Variants in RTN4RL1 observed in about 807,000 individuals in gnomAD.
RTN4RL1 encodes the protein reticulon-4 receptor-like 1.
A neutral mutation model predicts 25.6 loss-of-function variants in RTN4RL1; 7 were observed. The observed-to-expected ratio is 0.27, with a 90% CI of 0.16 to 0.51. The LOEUF (loss-of-function observed/expected upper bound fraction) is 0.51, where lower values mean the gene tolerates loss of function less well. RTN4RL1 is among the 20% of genes least tolerant of loss of function. RTN4RL1 has a pLI of 0.97. For synonymous variants in RTN4RL1, 297 were observed against 288.2 expected, an observed-to-expected ratio of 1.03 and a Z score of -0.31; for missense variants, 500 against 615.6, an observed-to-expected ratio of 0.81 and a Z score of 1.99.
At chr17:1,969,416 G>T (rs1449194487) in intron 1 of RTN4RL1, among the ~76,000 whole-genome samples, 2 of 152,060 alleles carry the variant, frequency 1.3e-5, no homozygotes, top group East Asian at 1.9e-4. Flanking sequence ...GCAACAGTCT[G>T]CCCAGAACAG....
chr17:1,957,931 C>A (rs570725856), intron 1 of RTN4RL1, among the ~76,000 whole-genome samples: 2 of 151,844 alleles, frequency 1.3e-5, no homozygotes, highest in African/African-American at 4.8e-5. Context: ...AATCCCAACA[C>A]TTTGGGAGGC....
At chr17:1,948,042 A>G (rs971746495) in intron 1 of RTN4RL1, among the ~76,000 whole-genome samples, 1 of 152,062 alleles carries the variant, frequency 6.6e-6, no homozygotes, top group African/African-American at 2.4e-5. Context: ...CCCAACCCCC[A>G]GTGGACCCTG....
chr17:1,945,912 T>G lies in RTN4RL1; in HGVS notation c.14-8104A>C, dbSNP rs986179948. Among the ~76,000 whole-genome samples, 12 of 152,334 alleles carry G rather than the reference T, an allele frequency of 7.9e-5. No homozygotes were observed. The East Asian group carries it at 2.3e-3, about 29-fold the overall frequency. ...CTGAGAGATGCTGCTCAGGAAGCCC[T>G]AGGCCCAGGGCCTGGCTCCTAGCAG... On this transcript the variant is annotated intron_variant, in intron 1 of 1. Coordinates refer to ENST00000331238, the MANE Select transcript of RTN4RL1 (RefSeq NM_178568.4).
intron 1 of RTN4RL1, among the ~76,000 whole-genome samples, chr17:2,000,763 G>A (rs2066953352): frequency 6.6e-6 from 1 of 151,664 alleles, no homozygotes; most frequent in Admixed American, 6.6e-5. Context: ...CAGGTGATCC[G>A]CCCAGCTCAG....
chr17:2,004,631 G>A (rs1396623785), intron 1 of RTN4RL1, among the ~76,000 whole-genome samples: 4 of 152,152 alleles, frequency 2.6e-5, no homozygotes, highest in South Asian at 2.1e-4. Context: ...AATGCTTCCC[G>A]CAGCTCCGCC....
At chr17:1,939,140 CA>C (rs1377081628) in intron 1 of RTN4RL1, among the ~76,000 whole-genome samples, 4 of 151,966 alleles carry the variant, frequency 2.6e-5, no homozygotes, top group Non-Finnish European at 2.9e-5. Flanking sequence ...ATCACGAGGT[CA>C]GGAGATCGAG....
At chr17:2,011,546 A>T (rs1413841372) in intron 1 of RTN4RL1, among the ~76,000 whole-genome samples, 1 of 152,084 alleles carries the variant, frequency 6.6e-6, no homozygotes, top group Non-Finnish European at 1.5e-5. Flanking sequence ...CAAGAGGAGG[A>T]GCTGGCGGGG....
At chr17:1,984,387 AG>A (rs1197087822) in intron 1 of RTN4RL1, among the ~76,000 whole-genome samples, 2 of 152,130 alleles carry the variant, frequency 1.3e-5, no homozygotes, top group Admixed American at 1.3e-4. Context: ...CTTTCCAGAC[AG>A]GGTCTCGCTC....
At chr17:1,995,888 G>A (rs2066927418) in intron 1 of RTN4RL1, among the ~76,000 whole-genome samples, 2 of 152,254 alleles carry the variant, frequency 1.3e-5, no homozygotes, top group South Asian at 4.1e-4. Context: ...CTGAGAGGCT[G>A]CAGAGCCAGC....
intron 1 of RTN4RL1, among the ~76,000 whole-genome samples, chr17:2,005,099 G>A (rs764615379): frequency 3.9e-5 from 6 of 152,150 alleles, no homozygotes; most frequent in Non-Finnish European, 4.4e-5. Context: ...TCGACCTCCT[G>A]GGCTCAAGCA....
chr17:1,986,188 T>A (rs1486862719), intron 1 of RTN4RL1, among the ~76,000 whole-genome samples: 1 of 152,032 alleles, frequency 6.6e-6, no homozygotes, highest in East Asian at 1.9e-4. Context: ...ACAATTAGCA[T>A]CTCTTGAGTG....
chr17:1,939,784 C>T (rs376343519), intron 1 of RTN4RL1, among the ~76,000 whole-genome samples: 7 of 152,226 alleles, frequency 4.6e-5, no homozygotes, highest in Admixed American at 6.5e-5. Context: ...CTGCCCCAGG[C>T]GGCCAGGCAG....
chr17:2,004,639 G>A (rs1019018214), intron 1 of RTN4RL1, among the ~76,000 whole-genome samples: 2 of 152,184 alleles, frequency 1.3e-5, no homozygotes, highest in African/African-American at 2.4e-5. Flanking sequence ...CCGCAGCTCC[G>A]CCTGCACCGC....
In RTN4RL1 at chr17:1,994,212, G is replaced by T. The variant is rs367650613; in HGVS notation, c.13+30641C>A. ...GAATTCACAGGCGCTGGGAGCTTGAGGGGGAAGTGATGGGCAAGAGCTGGG... is the reference window on the plus strand; with the variant it reads ...GAATTCACAGGCGCTGGGAGCTTGATGGGGAAGTGATGGGCAAGAGCTGGG... On this transcript the variant is annotated intron_variant, in intron 1 of 1. Transcript: ENST00000331238. This position sits in a 1 kb window ranked among gnomAD's most constrained non-coding sequence, Gnocchi z 4.3. 6.6e-6 allele frequency among the ~76,000 whole-genome samples: 1 copy of T among 151,974 alleles called. No homozygotes were observed. Among genetic ancestry groups the T allele is most frequent in the Non-Finnish European group, 1.5e-5 (1 of 68,004 alleles).
chr17:1,956,760 T>G (rs1195203279), intron 1 of RTN4RL1, among the ~76,000 whole-genome samples: 2 of 122,184 alleles, frequency 1.6e-5, no homozygotes, highest in Non-Finnish European at 3.5e-5. Context: ...TTTTTTTTTT[T>G]AAGATGGAGT....
intron 1 of RTN4RL1, among the ~76,000 whole-genome samples, chr17:1,999,832 C>T (rs1406416673): frequency 2.0e-5 from 3 of 152,268 alleles, no homozygotes; most frequent in South Asian, 4.1e-4. Flanking sequence ...ACCTCCCTCC[C>T]GGCTTTTCCT....
intron 1 of RTN4RL1, among the ~76,000 whole-genome samples, chr17:1,942,501 G>T (rs1915459933): frequency 1.3e-5 from 2 of 151,932 alleles, no homozygotes; most frequent in South Asian, 4.1e-4. Flanking sequence ...GGGAAGTGGG[G>T]GTGCTCAGGA....
In RTN4RL1 at chr17:2,010,096, C is replaced by A; in HGVS notation, c.13+14757G>T. Among the ~76,000 whole-genome samples, 2 of 127,868 alleles carry A rather than the reference C, an allele frequency of 1.6e-5. 1 individual carries two copies. The highest frequency in any genetic ancestry group is 3.3e-5 in the Non-Finnish European group (2 of 60,996). 83.9% of individuals were successfully genotyped at this position (127,868 alleles called of 152,430 possible). On this transcript the variant is annotated intron_variant, in intron 1 of 1. Coordinates refer to ENST00000331238, the MANE Select transcript of RTN4RL1 (RefSeq NM_178568.4). ...TTCTCTGCCAATCTCCTAAAATAAC[C>A]GCTCTCTGGTCACCCTCTGTTCTTC... is the stretch of plus-strand genomic sequence containing the variant.
chr17:2,015,934 A>T (rs1196933495), intron 1 of RTN4RL1, among the ~76,000 whole-genome samples: 1 of 152,128 alleles, frequency 6.6e-6, no homozygotes. Context: ...AGGAGGGACC[A>T]CAGGGGACTC....
Sources: gnomAD v4.1 joint callset for allele counts (sites outside exome capture counted in the v4.1 genomes callset) on GRCh38, gnomAD v4.1.1 for gene constraint, Gnocchi (gnomAD v3.1) non-coding constraint, MANE v1.5 for transcripts, NCBI Gene and HGNC (gene_info 2026-07-23, HGNC 2026-07-21) for gene names.